Variants in SNTB2 observed in about 807,000 individuals in gnomAD.
SNTB2 encodes the protein beta-2-syntrophin.
SNTB2 carries 34 observed loss-of-function variants against 46.2 expected under a neutral mutation model. The ratio of observed to expected loss-of-function variants is 0.74; its 90% CI spans 0.56 to 0.98. The LOEUF (loss-of-function observed/expected upper bound fraction) is 0.98, where lower values mean the gene tolerates loss of function less well. SNTB2 is among the 50% of genes least tolerant of loss of function. The pLI, the probability that SNTB2 is intolerant of heterozygous loss-of-function variation, is 0.00. For synonymous variants in SNTB2, 290 were observed against 312.6 expected (o/e 0.93, Z 0.76); for missense variants, 603 against 731.4 (o/e 0.82, Z 2.02).
intron 1 of SNTB2, among the ~76,000 whole-genome samples, chr16:69,231,906 CTT>C (rs1964509485): frequency 1.3e-5 from 2 of 152,016 alleles, no homozygotes; most frequent in Admixed American, 1.3e-4. Context: ...AGAAAAAACA[CTT>C]TTTAAATTCA....
intron 5 of SNTB2, among the ~76,000 whole-genome samples, chr16:69,291,955 C>G (rs907334066): frequency 2.0e-5 from 3 of 149,584 alleles, no homozygotes; most frequent in Non-Finnish European, 3.0e-5. Context: ...CACGGTGGCT[C>G]ACGCCTGTAA....
At position 69,270,181 on chromosome 16, in the gene SNTB2, C is replaced by A; in HGVS notation, c.1044C>A (p.Val348=). 6.2e-7 allele frequency: 1 copy of A among 1,614,092 alleles called. No individual in the cohort carries two copies. The highest frequency in any genetic ancestry group is 1.3e-5 in the African/African-American group (1 of 75,020). ...LDGGRQQWRP[V]LMAVTEKDLL... ...GTGGAAGACAGCAATGGAGACCTGT[C>A]CTCATGGCTGTGACTGAGAAGGATT... Residue 348 remains valine, a synonymous_variant, in exon 4 of 7, where the codon GTC becomes GTA. Coordinates refer to ENST00000336278, the MANE Select transcript of SNTB2 (RefSeq NM_006750.4).
At chr16:69,269,465 C>T (rs1340961756) in intron 3 of SNTB2, among the ~76,000 whole-genome samples, 1 of 151,774 alleles carries the variant, frequency 6.6e-6, no homozygotes, top group Non-Finnish European at 1.5e-5. Context: ...TGCAGTGAGC[C>T]GCGATTGTCC....
chr16:69,271,044 T>G (rs1964932930), intron 4 of SNTB2, among the ~76,000 whole-genome samples: 2 of 152,180 alleles, frequency 1.3e-5, no homozygotes, highest in Non-Finnish European at 2.9e-5. Flanking sequence ...GTGGGAATAG[T>G]GGGGATTTCC....
intron 3 of SNTB2, among the ~76,000 whole-genome samples, chr16:69,269,205 C>T (rs557272453): frequency 8.6e-5 from 13 of 151,766 alleles, no homozygotes; most frequent in Admixed American, 5.3e-4. Context: ...CATAGTGAAC[C>T]GTGATCCGCG....
At chr16:69,228,021 C>T (rs1964475388) in intron 1 of SNTB2, among the ~76,000 whole-genome samples, 1 of 151,772 alleles carries the variant, frequency 6.6e-6, no homozygotes, top group Non-Finnish European at 1.5e-5. Context: ...CTATGCCCAG[C>T]TTTTCTGGAG....
In SNTB2 at chr16:69,187,672, C is replaced by T. The variant is rs1279046480; in HGVS notation, c.506C>T (p.Thr169Ile). The change falls in exon 1 of 7, where the codon ACC becomes ATC. Residue 169 changes from threonine to isoleucine, a missense_variant. Thr to Ile is a moderately conservative substitution (Grantham distance 89). Around this residue, in one of 2 missense-constraint regions of SNTB2, gnomAD observed 537 missense variants for 692.4 expected, o/e 0.78. Coordinates refer to ENST00000336278, the MANE Select transcript of SNTB2 (RefSeq NM_006750.4). ...LGDAILSVNG[T>I]DLRQATHDQA... The stretch of plus-strand genomic sequence containing the variant: ...GACGCCATCCTGTCGGTGAACGGCA[C>T]CGACCTGCGCCAGGCCACCCACGAC... The T allele has an allele frequency of 6.5e-7, 1 of 1,543,612 alleles. No individual in the cohort carries two copies. Among genetic ancestry groups the T allele is most frequent in the Non-Finnish European group, 8.7e-7 (1 of 1,151,640 alleles).
At chr16:69,211,756 A>G (rs1964289879) in intron 1 of SNTB2, among the ~76,000 whole-genome samples, 2 of 152,152 alleles carry the variant, frequency 1.3e-5, no homozygotes, top group Admixed American at 6.6e-5. Flanking sequence ...CCCTTAGCAA[A>G]CACCTTATAC....
In SNTB2 at chr16:69,291,471, G is replaced by A. The variant is rs375591809; in HGVS notation, c.1345+7227G>A. Among the ~76,000 whole-genome samples, 5 of 152,250 alleles carry A rather than the reference G, an allele frequency of 3.3e-5. No homozygotes were observed. The East Asian group carries it at 7.7e-4, about 23-fold the overall frequency. On this transcript the variant is annotated intron_variant, in intron 5 of 6. Transcript: ENST00000336278. ...TTATGCCTGTAATCTCAGCACTTTG[G>A]GAGGCCAAGGCAGGAGGATTACTTG...
In SNTB2 at chr16:69,243,875, T is replaced by C. The variant is rs918130919; in HGVS notation, c.581-1727T>C. 3.3e-5 allele frequency among the ~76,000 whole-genome samples: 5 copies of C among 152,264 alleles called. 1 individual carries two copies. The highest frequency in any genetic ancestry group is 3.3e-4 in the Admixed American group (5 of 15,300). On this transcript the variant is annotated intron_variant, in intron 1 of 6. Transcript: ENST00000336278. ...GATATACTACATCTAAATTCTAGCA[T>C]TGGAATTGTTATATTTTTTATTATT...
At chr16:69,241,168 C>CTTTTTT (rs747664809) in intron 1 of SNTB2, among the ~76,000 whole-genome samples, 2 of 59,286 alleles carry the variant, frequency 3.4e-5, no homozygotes, top group Non-Finnish European at 6.1e-5. Flanking sequence ...CCTGGATAAG[C>CTTTTTT]TTTTTTTTTT....
intron 2 of SNTB2, among the ~76,000 whole-genome samples, chr16:69,255,326 G>T (rs1347063717): frequency 6.6e-6 from 1 of 152,082 alleles, no homozygotes; most frequent in Non-Finnish European, 1.5e-5. Context: ...ACTTTGGGAG[G>T]CCAAGGTGGG....
chr16:69,249,551 G>A (rs1459037128), intron 2 of SNTB2, among the ~76,000 whole-genome samples: 3 of 152,072 alleles, frequency 2.0e-5, no homozygotes, highest in Non-Finnish European at 4.4e-5. Flanking sequence ...TAAAACTTGG[G>A]GGCTGAATTC....
rs1491379676 is a variant in SNTB2 at position 69,208,507 on chromosome 16, T to TATAC, written c.580+20762_580+20765dup. ...TTATGAGCTTAAACCATTTGCTGTG[T>TATAC]ATACCTGTAGTTTATTGTTTCTCAT... is the stretch of plus-strand genomic sequence containing the variant. On this transcript the variant is annotated intron_variant, in intron 1 of 6. Transcript: ENST00000336278. Among the ~76,000 whole-genome samples the TATAC allele has an allele frequency of 2.0e-5, 3 of 152,210 alleles. No individual in the cohort carries two copies. In the South Asian group the frequency reaches 6.2e-4, roughly 32 times the overall value.
At chr16:69,228,397 T>C (rs1169563467) in intron 1 of SNTB2, among the ~76,000 whole-genome samples, 1 of 150,898 alleles carries the variant, frequency 6.6e-6, no homozygotes, top group African/African-American at 2.4e-5. Flanking sequence ...TCCCAGCTAC[T>C]TGGGAGGTTG....
At chr16:69,268,524 G>C (rs182501671) in intron 3 of SNTB2, among the ~76,000 whole-genome samples, 84 of 152,044 alleles carry the variant, frequency 5.5e-4, no homozygotes, top group Admixed American at 1.2e-3. Context: ...TAGTTTAAGT[G>C]TTTTCTTAAG....
intron 5 of SNTB2, among the ~76,000 whole-genome samples, chr16:69,298,053 C>T (rs932866574): frequency 1.3e-5 from 2 of 152,130 alleles, no homozygotes; most frequent in African/African-American, 4.8e-5. Flanking sequence ...ATCCTCCCAC[C>T]CCAGCCTCCT....
intron 4 of SNTB2, among the ~76,000 whole-genome samples, chr16:69,282,981 G>A (rs1965064579): frequency 6.6e-6 from 1 of 152,180 alleles, no homozygotes; most frequent in Non-Finnish European, 1.5e-5. Flanking sequence ...GTCTCACTCT[G>A]TTGCCAAAGC....
intron 1 of SNTB2, among the ~76,000 whole-genome samples, chr16:69,221,487 T>C (rs139914642): frequency 2.7e-4 from 41 of 152,072 alleles, no homozygotes; most frequent in African/African-American, 8.7e-4. Flanking sequence ...AGAAATTCAT[T>C]ATGTCAGACA....
Sources: allele counts gnomAD v4.1 joint callset (sites outside exome capture counted in the v4.1 genomes callset), GRCh38; gene constraint gnomAD v4.1.1; regional missense constraint gnomAD v4.1.1; transcripts MANE v1.5; gene names NCBI Gene and HGNC (gene_info 2026-07-23, HGNC 2026-07-21).